The following TECTA variants were observed in gnomAD, a reference collection of about 807,000 sequenced individuals.
The protein encoded by TECTA is alpha-tectorin.
Under a neutral mutation model 216.8 loss-of-function variants are expected in TECTA, and 128 were observed. The ratio of observed to expected loss-of-function variants is 0.59; its 90% CI spans 0.51 to 0.68. The LOEUF (loss-of-function observed/expected upper bound fraction) is 0.68. Among genes scored for constraint, TECTA ranks in the 30% least tolerant of loss-of-function variants. TECTA has a pLI of 0.00. For synonymous variants in TECTA, 1,089 were observed against 1,117.1 expected (o/e 0.97, Z 0.50); for missense variants, 2,551 against 2,786.2 (o/e 0.92, Z 1.90).
chr11:121,179,998 A>AACC (rs1383719078), intron 20 of TECTA, among the ~76,000 whole-genome samples: 1 of 148,070 alleles, frequency 6.8e-6, no homozygotes, highest in African/African-American at 2.5e-5. Context: ...TTAGCTGTTC[A>AACC]ACCAGTCTGT....
At chr11:121,160,443 C>T (rs779346605) in intron 15 of TECTA, 22 bp downstream of exon 15, 1 of 1,605,066 alleles carries the variant, frequency 6.2e-7, no homozygotes, top group Non-Finnish European at 8.5e-7. Context: ...GGAGTTCAAG[C>T]CACTAGACTT....
intron 11 of TECTA, among the ~76,000 whole-genome samples, chr11:121,141,709 AG>A (rs1424968654): frequency 2.0e-5 from 3 of 152,206 alleles, no homozygotes; most frequent in Non-Finnish European, 4.4e-5. Context: ...ATTGCCAGTC[AG>A]GTGGCCATCA....
At chr11:121,183,502 C>T (rs544985507) in intron 20 of TECTA, among the ~76,000 whole-genome samples, 1 of 152,276 alleles carries the variant, frequency 6.6e-6, no homozygotes, top group Admixed American at 6.5e-5. Flanking sequence ...TGGGAAGTTT[C>T]TCCTGGCTCC....
intron 10 of TECTA, among the ~76,000 whole-genome samples, chr11:121,134,749 G>A (rs1299412498): frequency 6.6e-6 from 1 of 152,068 alleles, no homozygotes; most frequent in Non-Finnish European, 1.5e-5. Context: ...TTTCAGTGCC[G>A]TCCTTTTAGA....
chr11:121,146,891 C>T (rs1463844305), intron 12 of TECTA, among the ~76,000 whole-genome samples: 1 of 152,162 alleles, frequency 6.6e-6, no homozygotes, highest in Non-Finnish European at 1.5e-5. Context: ...CTCAATGACC[C>T]AATTAGTCAA....
chr11:121,116,705 A>G (rs1946505441), intron 6 of TECTA, among the ~76,000 whole-genome samples: 2 of 152,206 alleles, frequency 1.3e-5, no homozygotes, highest in African/African-American at 4.8e-5. Context: ...TTATTATATC[A>G]TCATTCCACA....
chr11:121,167,519 G>C (rs1342876293), intron 18 of TECTA, among the ~76,000 whole-genome samples: 2 of 152,198 alleles, frequency 1.3e-5, no homozygotes, highest in Admixed American at 6.5e-5. Flanking sequence ...CCAGTGTATA[G>C]GTTAGCAAAG....
intron 10 of TECTA, among the ~76,000 whole-genome samples, chr11:121,136,273 T>A (rs1946726108): frequency 6.6e-6 from 1 of 152,108 alleles, no homozygotes. Context: ...AGAGTCTTGA[T>A]CTTTCAAGGA....
chr11:121,176,833 T>C (rs1012781228), intron 20 of TECTA, among the ~76,000 whole-genome samples: 1 of 152,164 alleles, frequency 6.6e-6, no homozygotes, highest in Non-Finnish European at 1.5e-5. Flanking sequence ...AGATTTGGTC[T>C]TTTCACATAG....
intron 3 of TECTA, among the ~76,000 whole-genome samples, chr11:121,107,928 A>G (rs1487437641): frequency 6.6e-6 from 1 of 152,166 alleles, no homozygotes; most frequent in African/African-American, 2.4e-5. Flanking sequence ...ATCACACCAC[A>G]TGAGCTGGAA....
At chr11:121,125,989 T>A in intron 8 of TECTA, 117 bp downstream of exon 8, 2 of 1,222,804 alleles carry the variant, frequency 1.6e-6, no homozygotes, top group Non-Finnish European at 2.3e-6. Flanking sequence ...GAGGGGGAGG[T>A]TGAAATTGCA....
rs1946746745 is a variant in TECTA at position 121,137,827 on chromosome 11, T to C, written c.3348T>C (p.Phe1116=). The C allele has an allele frequency of 6.2e-7, 1 of 1,610,798 alleles. No homozygotes were observed. Among genetic ancestry groups the C allele is most frequent in the Non-Finnish European group, 8.5e-7 (1 of 1,177,300 alleles). Residue 1116 remains phenylalanine (F), a synonymous_variant, in exon 11 of 24, where the codon TTT becomes TTC. Coordinates refer to ENST00000392793, the MANE Select transcript of TECTA (RefSeq NM_005422.4). ...GHYLTFDGFP[F]DFQTSCPLIL... ...ACCTCACCTTTGATGGCTTCCCCTT[T>C]GACTTCCAGACCAGCTGCCCACTCA...
chr11:121,174,799 C>A lies in TECTA; in HGVS notation c.5999+5874C>A, dbSNP rs568153208. On this transcript the variant is annotated intron_variant, in intron 20 of 23. Transcript: ENST00000392793. ...TCCTCCTTGTACCTCTGGTAGAATT[C>A]GGCTGTGAATCCATCTGGTCCTGGA... Among the ~76,000 whole-genome samples, 1,363 of 152,172 alleles carry A rather than the reference C, an allele frequency of 9.0e-3. 26 individuals carry two copies. Among genetic ancestry groups the A allele is most frequent in the African/African-American group, 0.031 (1,290 of 41,500 alleles).
At chr11:121,188,953 CTAAT>C in intron 21 of TECTA, 123 bp from the exon 22 acceptor site, 1 of 882,408 alleles carries the variant, frequency 1.1e-6, no homozygotes, top group South Asian at 1.4e-5. Context: ...TGCATTGGTT[CTAAT>C]TAATCTGAGC....
At chr11:121,130,308 T>A in intron 10 of TECTA, 97 bp downstream of exon 10, 1 of 1,376,098 alleles carries the variant, frequency 7.3e-7, no homozygotes, top group Non-Finnish European at 9.9e-7. Flanking sequence ...GGGACTGAGC[T>A]CAAGGGTGAT....
chr11:121,162,042 G>C, intron 15 of TECTA, 33 bp from the exon 16 acceptor site: 1 of 1,612,882 alleles, frequency 6.2e-7, no homozygotes, highest in Non-Finnish European at 8.5e-7. Flanking sequence ...GGAGATCTCA[G>C]ATGGCTGTTT....
chr11:121,105,747 G>A lies in TECTA; in HGVS notation c.65-84G>A. ...CAGCTTGCAAGCCCTACTGAAAGAAGCTGGCTTCAGTAGGTAGGAGAGATG... is the reference window on the plus strand; with the variant it reads ...CAGCTTGCAAGCCCTACTGAAAGAAACTGGCTTCAGTAGGTAGGAGAGATG... On this transcript the variant is annotated intron_variant, in intron 2 of 23. Coordinates refer to ENST00000392793, the MANE Select transcript of TECTA (RefSeq NM_005422.4). The surrounding 1 kb of genome is among the most constrained non-coding windows in gnomAD (Gnocchi z 5.3). 1 of 1,579,122 alleles carries A rather than the reference G, an allele frequency of 6.3e-7. No individual in the cohort carries two copies. The highest frequency in any genetic ancestry group is 8.6e-7 in the Non-Finnish European group (1 of 1,158,814).
At position 121,123,188 on chromosome 11, in the gene TECTA, C is replaced by T. The variant is rs541642181; in HGVS notation, c.1204-2114C>T. On this transcript the variant is annotated intron_variant, in intron 7 of 23. Transcript: ENST00000392793. ...TATGTGCACTTATAGTCAAGCCCAC[C>T]GAGGACTGTTCTAAGACAAGTCATT... Among the ~76,000 whole-genome samples the T allele has an allele frequency of 9.2e-5, 14 of 152,296 alleles. No individual in the cohort carries two copies. The South Asian group carries it at 1.9e-3, about 20-fold the overall frequency.
At chr11:121,143,598 G>T (rs1432893107) in intron 11 of TECTA, among the ~76,000 whole-genome samples, 2 of 152,212 alleles carry the variant, frequency 1.3e-5, no homozygotes, top group East Asian at 3.8e-4. Flanking sequence ...CTAGGGAAAG[G>T]CCGTATGTGC....
Sources: allele counts gnomAD v4.1 joint callset (sites outside exome capture counted in the v4.1 genomes callset), GRCh38; gene constraint gnomAD v4.1.1; non-coding constraint Gnocchi (gnomAD v3.1); transcripts MANE v1.5; gene names NCBI Gene and HGNC (gene_info 2026-07-23, HGNC 2026-07-21).